SPMAP2L: variants seen among roughly 807,000 people sequenced by gnomAD.
SPMAP2L encodes sperm microtubule associated protein 2 like.
At chr4:56,567,384 A>T in the SPMAP2L span, among the ~76,000 whole-genome samples, 2 of 148,570 alleles carry the variant, frequency 1.3e-5, no homozygotes, top group Non-Finnish European at 3.0e-5. Flanking sequence ...CTCCTGCCTC[A>T]GCCTCCCAAG....
At chr4:56,593,515 A>G in the SPMAP2L span, 1 of 1,599,980 alleles carries the variant, frequency 6.3e-7, no homozygotes, top group Non-Finnish European at 8.6e-7. Context: ...TCAGAGTGGG[A>G]GCCTGGCCTG....
the SPMAP2L span, among the ~76,000 whole-genome samples, chr4:56,616,325 T>C: frequency 1.3e-5 from 2 of 152,240 alleles, no homozygotes; most frequent in Non-Finnish European, 1.5e-5. Context: ...GCTCATCTAA[T>C]GACCTCATTT....
chr4:56,623,916 C>T, the SPMAP2L span, among the ~76,000 whole-genome samples: 8 of 152,050 alleles, frequency 5.3e-5, no homozygotes, highest in Non-Finnish European at 1.0e-4. Context: ...ACTGCTGAAA[C>T]GATACCCAAA....
chr4:56,578,996 G>A, the SPMAP2L span, among the ~76,000 whole-genome samples: 1 of 151,838 alleles, frequency 6.6e-6, no homozygotes, highest in Non-Finnish European at 1.5e-5. Flanking sequence ...AAACCTGATA[G>A]AATTCAACAA....
At chr4:56,609,200 G>A in the SPMAP2L span, among the ~76,000 whole-genome samples, 4 of 151,728 alleles carry the variant, frequency 2.6e-5, no homozygotes, top group South Asian at 2.1e-4. Context: ...CCACCATCAC[G>A]CCAGACTAAT....
the SPMAP2L span, chr4:56,596,421 A>G: frequency 7.2e-7 from 1 of 1,388,666 alleles, no homozygotes; most frequent in Non-Finnish European, 9.3e-7. Flanking sequence ...CCCAGAGGTC[A>G]AATCATACTT....
the SPMAP2L span, among the ~76,000 whole-genome samples, chr4:56,622,695 C>G: frequency 5.9e-5 from 9 of 152,176 alleles, no homozygotes; most frequent in Non-Finnish European, 1.0e-4. Flanking sequence ...CAGGAGAACT[C>G]AAACTGGCTC....
chr4:56,594,276 A>T, the SPMAP2L span: 1 of 1,569,160 alleles, frequency 6.4e-7, no homozygotes, highest in Non-Finnish European at 8.8e-7. Context: ...TATATGAAGA[A>T]ACTGGAAAAT....
At chr4:56,620,439 T>G in the SPMAP2L span, among the ~76,000 whole-genome samples, 1 of 150,412 alleles carries the variant, frequency 6.6e-6, no homozygotes, top group South Asian at 2.1e-4. Context: ...AGGCTGGAAG[T>G]GCAACAGCGC....
the SPMAP2L span, among the ~76,000 whole-genome samples, chr4:56,623,172 C>T: frequency 2.0e-5 from 3 of 152,170 alleles, no homozygotes; most frequent in Non-Finnish European, 4.4e-5. Flanking sequence ...CTCTCTAGGG[C>T]TTTCTTTCCT....
chr4:56,557,972 T>C, the SPMAP2L span: 3 of 151,514 alleles, frequency 2.0e-5, no homozygotes, highest in African/African-American at 7.3e-5. Flanking sequence ...AAATTTTTCT[T>C]TTTTTTTTCT....
chr4:56,558,705 A>G, the SPMAP2L span, among the ~76,000 whole-genome samples: 1 of 151,980 alleles, frequency 6.6e-6, no homozygotes, highest in African/African-American at 2.4e-5. Flanking sequence ...ATTTACCCCT[A>G]TCCAAAGACA....
chr4:56,536,945 G>A, the SPMAP2L span, among the ~76,000 whole-genome samples: 1 of 152,072 alleles, frequency 6.6e-6, no homozygotes, highest in Non-Finnish European at 1.5e-5. Flanking sequence ...TGTATTTTTA[G>A]TAGAGACAGG....
chr4:56,564,214 A>G, the SPMAP2L span, among the ~76,000 whole-genome samples: 8 of 150,960 alleles, frequency 5.3e-5, no homozygotes, highest in African/African-American at 1.7e-4. Context: ...GCTCACTGCA[A>G]TCTCCACCTC....
chr4:56,561,659 G>C, the SPMAP2L span, among the ~76,000 whole-genome samples: 1 of 151,604 alleles, frequency 6.6e-6, no homozygotes, highest in African/African-American at 2.4e-5. Flanking sequence ...TGAAGGATCC[G>C]TCCCCATGAC....
chr4:56,563,663 G>A, the SPMAP2L span, among the ~76,000 whole-genome samples: 3 of 152,108 alleles, frequency 2.0e-5, no homozygotes, highest in Non-Finnish European at 2.9e-5. Context: ...TTAGTAAAAA[G>A]TTAACGAACT....
chr4:56,556,885 A>T, the SPMAP2L span, among the ~76,000 whole-genome samples: 1 of 152,136 alleles, frequency 6.6e-6, no homozygotes, highest in South Asian at 2.1e-4. Flanking sequence ...TAAATAATAA[A>T]AATAATAATA....
At chr4:56,574,299 G>A in the SPMAP2L span, among the ~76,000 whole-genome samples, 1 of 152,122 alleles carries the variant, frequency 6.6e-6, no homozygotes, top group African/African-American at 2.4e-5. Context: ...CAAACTTGTA[G>A]TCCCCCCTAC....
chr4:56,557,210 C>CT, the SPMAP2L span, among the ~76,000 whole-genome samples: 1 of 150,470 alleles, frequency 6.6e-6, no homozygotes, highest in African/African-American at 2.4e-5. Flanking sequence ...GATCATGCCA[C>CT]TGCACACCAG....
Sources: allele counts gnomAD v4.1 joint callset (sites outside exome capture counted in the v4.1 genomes callset), GRCh38; gene constraint gnomAD v4.1.1; transcripts MANE v1.5; gene names NCBI Gene and HGNC (gene_info 2026-07-23, HGNC 2026-07-21).